Variants in GRIK2 observed in about 807,000 individuals in gnomAD.
GRIK2 encodes glutamate ionotropic receptor kainate type subunit 2.
A neutral mutation model predicts 100.3 loss-of-function variants in GRIK2; 32 were observed. The ratio of observed to expected loss-of-function variants is 0.32; its 90% CI spans 0.24 to 0.43. The LOEUF is 0.43. Ranked by LOEUF, GRIK2 falls within the 20% of genes least tolerant of loss-of-function variation. The pLI is 1.00. For missense variants in GRIK2, 843 were observed against 1,114.9 expected, an observed-to-expected ratio of 0.76 and a Z score of 3.47; for synonymous variants, 417 against 389.4, an observed-to-expected ratio of 1.07 and a Z score of -0.83.
At chr6:101,886,077 A>G (rs1786592519) in intron 11 of GRIK2, among the ~76,000 whole-genome samples, 1 of 152,166 alleles carries the variant, frequency 6.6e-6, no homozygotes, top group South Asian at 2.1e-4. Flanking sequence ...CACTATCTCA[A>G]TTCTTTTGAA....
At chr6:101,785,542 C>G (rs2128404154) in intron 7 of GRIK2, among the ~76,000 whole-genome samples, 1 of 152,120 alleles carries the variant, frequency 6.6e-6, no homozygotes, top group African/African-American at 2.4e-5. Context: ...TATGGGTATC[C>G]AGTTTTTTTC....
chr6:101,860,826 C>T (rs1582400771), intron 11 of GRIK2: 1 of 247,182 alleles, frequency 4.0e-6, no homozygotes, highest in African/African-American at 2.3e-5. Flanking sequence ...TATGGGGTTC[C>T]CTGGGCAGGG....
intron 2 of GRIK2, among the ~76,000 whole-genome samples, chr6:101,621,671 A>C (rs1780166398): frequency 6.6e-6 from 1 of 152,074 alleles, no homozygotes; most frequent in South Asian, 2.1e-4. Flanking sequence ...AAAAGTCCAA[A>C]TCATATTTGT....
intron 2 of GRIK2, among the ~76,000 whole-genome samples, chr6:101,529,062 TC>T (rs1396552833): frequency 6.6e-6 from 1 of 152,160 alleles, no homozygotes; most frequent in Non-Finnish European, 1.5e-5. Context: ...TGAATTTCTT[TC>T]TCATTAACAA....
intron 2 of GRIK2, among the ~76,000 whole-genome samples, chr6:101,549,030 C>T (rs1776384772): frequency 6.6e-6 from 1 of 152,088 alleles, no homozygotes; most frequent in Admixed American, 6.5e-5. Flanking sequence ...TTTATATCAT[C>T]AAAGTTTTGA....
chr6:101,406,875 A>G (rs1775624848), intron 2 of GRIK2, among the ~76,000 whole-genome samples: 1 of 152,126 alleles, frequency 6.6e-6, no homozygotes, highest in South Asian at 2.1e-4. Context: ...ATTTTCTCCA[A>G]TCAAAATGAT....
At chr6:102,065,759 T>A in intron 16 of GRIK2, 1 of 1,378,780 alleles carries the variant, frequency 7.3e-7, no homozygotes. Flanking sequence ...GACCATGTTA[T>A]GTCATCTAAT....
intron 12 of GRIK2, among the ~76,000 whole-genome samples, chr6:101,918,053 T>A (rs1434187187): frequency 6.6e-6 from 1 of 151,612 alleles, no homozygotes; most frequent in Admixed American, 6.6e-5. Flanking sequence ...TAAAATGAGG[T>A]GGGGAATTAA....
chr6:101,455,083 G>A (rs1013606656), intron 2 of GRIK2, among the ~76,000 whole-genome samples: 8 of 151,994 alleles, frequency 5.3e-5, no homozygotes, highest in Non-Finnish European at 8.8e-5. Context: ...ATAACAGGAC[G>A]AAAACTATTA....
At chr6:101,659,989 C>T (rs897337256) in intron 4 of GRIK2, among the ~76,000 whole-genome samples, 1 of 152,106 alleles carries the variant, frequency 6.6e-6, no homozygotes, top group African/African-American at 2.4e-5. Context: ...GTGGTGTTCT[C>T]TGTGTTTCCT....
chr6:101,636,432 T>C (rs1359205592), intron 4 of GRIK2, among the ~76,000 whole-genome samples: 1 of 152,058 alleles, frequency 6.6e-6, no homozygotes, highest in Non-Finnish European at 1.5e-5. Context: ...CAAACCACCA[T>C]GGCACATGTA....
Position 101,735,966 on chromosome 6 carries a change from G to T in GRIK2, c.951+49613G>T, listed in dbSNP as rs183158674. 2.8e-3 allele frequency among the ~76,000 whole-genome samples: 431 copies of T among 152,300 alleles called. 6 individuals carry two copies. Among genetic ancestry groups the T allele is most frequent in the Non-Finnish European group, 2.6e-3 (178 of 68,024 alleles). On this transcript the variant is annotated intron_variant, in intron 7 of 16. Coordinates refer to ENST00000369134, the MANE Select transcript of GRIK2 (RefSeq NM_021956.5). ...GATAAAATGGTGGTACAGGCATTGGGTAAATACAGTCATTCCAAAAGGGAG... is the reference window on the plus strand; with the variant it reads ...GATAAAATGGTGGTACAGGCATTGGTTAAATACAGTCATTCCAAAAGGGAG...
intron 10 of GRIK2, among the ~76,000 whole-genome samples, chr6:101,839,662 C>T (rs1283433617): frequency 1.3e-5 from 2 of 151,760 alleles, no homozygotes; most frequent in Non-Finnish European, 2.9e-5. Context: ...AAAAATATTG[C>T]AAGAATACAA....
At chr6:101,531,107 T>A (rs1775418693) in intron 2 of GRIK2, among the ~76,000 whole-genome samples, 1 of 151,960 alleles carries the variant, frequency 6.6e-6, no homozygotes, top group Non-Finnish European at 1.5e-5. Flanking sequence ...CTTCAGTTGG[T>A]TTTAGACTTA....
chr6:101,965,376 G>A (rs1433305694), intron 14 of GRIK2, among the ~76,000 whole-genome samples: 1 of 151,980 alleles, frequency 6.6e-6, no homozygotes, highest in African/African-American at 2.4e-5. Context: ...TTAGTTCCCT[G>A]TTTTTCTTTC....
chr6:101,791,365 A>C (rs1473515244), intron 7 of GRIK2, among the ~76,000 whole-genome samples: 1 of 152,114 alleles, frequency 6.6e-6, no homozygotes, highest in Non-Finnish European at 1.5e-5. Context: ...ATTTCCCTCT[A>C]CACACTGCTT....
chr6:101,718,417 A>T (rs1011895616), intron 7 of GRIK2, among the ~76,000 whole-genome samples: 2 of 151,968 alleles, frequency 1.3e-5, no homozygotes, highest in East Asian at 3.9e-4. Context: ...AAGGTCAGAC[A>T]TTCAGATCTT....
intron 4 of GRIK2, among the ~76,000 whole-genome samples, chr6:101,634,058 G>T (rs1162814283): frequency 6.6e-6 from 1 of 151,924 alleles, no homozygotes; most frequent in Non-Finnish European, 1.5e-5. Context: ...ACTATTTTTG[G>T]TAATGGCTTT....
At chr6:101,472,434 G>A (rs1771996015) in intron 2 of GRIK2, among the ~76,000 whole-genome samples, 1 of 151,696 alleles carries the variant, frequency 6.6e-6, no homozygotes, top group Non-Finnish European at 1.5e-5. Flanking sequence ...AGTCCTAAGA[G>A]ACACATCATA....
Sources: allele counts gnomAD v4.1 joint callset (sites outside exome capture counted in the v4.1 genomes callset), GRCh38; gene constraint gnomAD v4.1.1; transcripts MANE v1.5; gene names NCBI Gene and HGNC (gene_info 2026-07-23, HGNC 2026-07-21).